TMC5: variants seen among roughly 807,000 people sequenced by gnomAD.
TMC5 encodes the protein transmembrane channel-like protein 5.
In TMC5, 86 loss-of-function variants were observed where a neutral mutation model predicts 110.5. The observed-to-expected ratio is 0.78, with a 90% CI of 0.65 to 0.93. The LOEUF (loss-of-function observed/expected upper bound fraction) is 0.93. Among genes scored for constraint, TMC5 ranks in the 40% least tolerant of loss-of-function variants. TMC5 has a pLI of 0.00. For missense variants in TMC5, 1,144 were observed against 1,222.8 expected (o/e 0.94, Z 0.96); for synonymous variants, 455 against 439.5 (o/e 1.04, Z -0.44).
At chr16:19,496,585 A>G (rs1407696858) in intron 20 of TMC5, among the ~76,000 whole-genome samples, 1 of 152,112 alleles carries the variant, frequency 6.6e-6, no homozygotes, top group Non-Finnish European at 1.5e-5. Flanking sequence ...ATGAATGCTC[A>G]GTGAATATCT....
chr16:19,436,122 C>T (rs1967338528), intron 2 of TMC5, among the ~76,000 whole-genome samples: 1 of 151,798 alleles, frequency 6.6e-6, no homozygotes, highest in South Asian at 2.1e-4. Context: ...ATTAGCAGGG[C>T]ATGGTGGCGG....
At chr16:19,464,323 C>CTAAG (rs1555483815) in intron 8 of TMC5, among the ~76,000 whole-genome samples, 1 of 152,068 alleles carries the variant, frequency 6.6e-6, no homozygotes, top group African/African-American at 2.4e-5. Flanking sequence ...ACTCAGGAGG[C>CTAAG]TAAGGTAAGA....
chr16:19,422,164 G>T (rs1418074808), intron 1 of TMC5, among the ~76,000 whole-genome samples: 1 of 151,826 alleles, frequency 6.6e-6, no homozygotes, highest in East Asian at 1.9e-4. Context: ...CTGGGAGGTG[G>T]AGGTTGCAGT....
intron 2 of TMC5, among the ~76,000 whole-genome samples, chr16:19,434,839 C>T (rs531263323): frequency 1.3e-5 from 2 of 152,140 alleles, no homozygotes; most frequent in Admixed American, 1.3e-4. Context: ...ATATTATTGT[C>T]AGTATTGTAT....
chr16:19,491,869 T>G (rs1019445482), intron 18 of TMC5, among the ~76,000 whole-genome samples: 3 of 152,004 alleles, frequency 2.0e-5, no homozygotes, highest in Non-Finnish European at 4.4e-5. Flanking sequence ...CTTATTCTAT[T>G]AAGAAAGCAA....
At chr16:19,493,513 C>T (rs367596407) in intron 19 of TMC5, among the ~76,000 whole-genome samples, 130 of 148,358 alleles carry the variant, frequency 8.8e-4, no homozygotes, top group African/African-American at 3.0e-3. Context: ...CAGGCTGGAA[C>T]GCAGTGGCAT....
At chr16:19,433,322 C>A (rs1967233653) in intron 2 of TMC5, among the ~76,000 whole-genome samples, 1 of 152,146 alleles carries the variant, frequency 6.6e-6, no homozygotes, top group South Asian at 2.1e-4. Flanking sequence ...GGAAGGGGAG[C>A]TAGAGGGTCT....
chr16:19,488,402 G>GC (rs778552767), intron 17 of TMC5, among the ~76,000 whole-genome samples: 47 of 151,720 alleles, frequency 3.1e-4, no homozygotes, highest in African/African-American at 7.7e-4. Flanking sequence ...ATGGGGAGAT[G>GC]CCCCCCCACC....
intron 5 of TMC5, chr16:19,456,718 T>C: frequency 2.5e-6 from 4 of 1,608,826 alleles, no homozygotes; most frequent in Non-Finnish European, 2.6e-6. Flanking sequence ...TGCTGTCCGA[T>C]GACCACGTGA....
At chr16:19,423,562 C>T (rs1383007275) in intron 1 of TMC5, among the ~76,000 whole-genome samples, 1 of 152,150 alleles carries the variant, frequency 6.6e-6, no homozygotes, top group African/African-American at 2.4e-5. Context: ...GGTTTATAAG[C>T]TTGCGTTTTG....
At chr16:19,469,538 C>A (rs1968272154) in intron 9 of TMC5, 143 bp from the exon 10 acceptor site, 9 of 989,556 alleles carry the variant, frequency 9.1e-6, no homozygotes, top group African/African-American at 1.6e-5. Flanking sequence ...GTGTGGTGAC[C>A]ACACCGCTCC....
chr16:19,451,186 C>T (rs939746345), intron 5 of TMC5, among the ~76,000 whole-genome samples: 1 of 152,032 alleles, frequency 6.6e-6, no homozygotes, highest in Non-Finnish European at 1.5e-5. Context: ...AGAGACTAGA[C>T]TAGGGAGTGC....
At chr16:19,434,091 A>G (rs1967259590) in intron 2 of TMC5, among the ~76,000 whole-genome samples, 1 of 23,626 alleles carries the variant, frequency 4.2e-5, no homozygotes, top group Non-Finnish European at 6.6e-5. Flanking sequence ...ATATATATAT[A>G]TCTATAATAT....
At chr16:19,437,442 G>T (rs995384256) in intron 2 of TMC5, among the ~76,000 whole-genome samples, 2 of 152,180 alleles carry the variant, frequency 1.3e-5, no homozygotes, top group Non-Finnish European at 2.9e-5. Context: ...GCTGTGCAGG[G>T]ACACAATAAT....
chr16:19,449,607 T>C lies in TMC5; in HGVS notation c.1024T>C (p.Cys342Arg). The change falls in exon 5 of 22, where the codon TGT becomes CGT. Residue 342 changes from cysteine to arginine, a missense_variant. Transcript: ENST00000542583. Reference protein sequence around the residue: ...HAYGNPPLSECDWHKSPQGQK... With the variant: ...HAYGNPPLSERDWHKSPQGQK... ...TTATGGAAACCCACCATTGTCTGAATGTGATTGGCACAAGTCACCCCAAGG... is the reference window on the plus strand; with the variant it reads ...TTATGGAAACCCACCATTGTCTGAACGTGATTGGCACAAGTCACCCCAAGG... 1 of 1,614,212 alleles carries C rather than the reference T, an allele frequency of 6.2e-7. No individual in the cohort carries two copies. Among genetic ancestry groups the C allele is most frequent in the Non-Finnish European group, 8.5e-7 (1 of 1,180,028 alleles).
chr16:19,485,517 C>A (rs571257179), intron 15 of TMC5, among the ~76,000 whole-genome samples: 2 of 152,106 alleles, frequency 1.3e-5, no homozygotes, highest in South Asian at 4.1e-4. Flanking sequence ...AGGCTGGTTT[C>A]GAACTCCTAA....
At chr16:19,414,831 A>C (rs989432409), upstream of TMC5, among the ~76,000 whole-genome samples, 3 of 151,984 alleles carry the variant, frequency 2.0e-5, no homozygotes, top group African/African-American at 7.2e-5. Flanking sequence ...GGATCGCTTG[A>C]GGCCAGGAGT....
upstream of TMC5, among the ~76,000 whole-genome samples, chr16:19,416,853 G>A (rs901256989): frequency 2.6e-5 from 4 of 152,162 alleles, no homozygotes; most frequent in East Asian, 7.7e-4. Context: ...CAGCATTTTG[G>A]CAGGCCGAGA....
chr16:19,414,736 C>A (rs2143317188), upstream of TMC5, among the ~76,000 whole-genome samples: 1 of 146,016 alleles, frequency 6.8e-6, no homozygotes, highest in Admixed American at 6.9e-5. Flanking sequence ...GGGAGACCAC[C>A]CCCCGATCTC....
Sources: gnomAD v4.1 joint callset for allele counts (sites outside exome capture counted in the v4.1 genomes callset) on GRCh38, gnomAD v4.1.1 for gene constraint, MANE v1.5 for transcripts, NCBI Gene and HGNC (gene_info 2026-07-23, HGNC 2026-07-21) for gene names.